XKR9: variants seen among roughly 807,000 people sequenced by gnomAD.
XKR9 encodes the protein XK-related protein 9.
Under a neutral mutation model 32.0 loss-of-function variants are expected in XKR9, and 32 were observed. The observed-to-expected ratio is 1.00, with a 90% CI of 0.76 to 1.34. The LOEUF is 1.34. Ranked by LOEUF, XKR9 falls within the 40% of genes most tolerant of loss-of-function variation. XKR9 has a pLI of 0.00. For missense variants in XKR9, 546 were observed against 429.7 expected, an observed-to-expected ratio of 1.27 and a Z score of -2.39; for synonymous variants, 168 against 143.4, an observed-to-expected ratio of 1.17 and a Z score of -1.22.
the XKR9 span, among the ~76,000 whole-genome samples, chr8:71,011,789 G>A: frequency 6.6e-6 from 1 of 152,150 alleles, no homozygotes; most frequent in Non-Finnish European, 1.5e-5. Context: ...GGGGGAAACT[G>A]TTTGCCAAAA....
At chr8:70,812,055 A>T in the XKR9 span, among the ~76,000 whole-genome samples, 1 of 152,172 alleles carries the variant, frequency 6.6e-6, no homozygotes, top group Non-Finnish European at 1.5e-5. Flanking sequence ...AAATACTGGC[A>T]AACCGAATCC....
chr8:70,824,235 C>T, the XKR9 span, among the ~76,000 whole-genome samples: 3 of 152,058 alleles, frequency 2.0e-5, no homozygotes, highest in Non-Finnish European at 4.4e-5. Context: ...CTCTATTTTA[C>T]CTGTTTTAAA....
the XKR9 span, among the ~76,000 whole-genome samples, chr8:71,029,329 A>T: frequency 6.6e-6 from 1 of 152,318 alleles, no homozygotes; most frequent in South Asian, 2.1e-4. Flanking sequence ...AAGGAAATAA[A>T]TTTTGAGAAA....
At chr8:70,764,749 AC>A (rs1165060012) in intron 2 of XKR9, among the ~76,000 whole-genome samples, 1 of 151,128 alleles carries the variant, frequency 6.6e-6, no homozygotes, top group African/African-American at 2.4e-5. Flanking sequence ...CTTGCCTCCC[AC>A]CCCCTGACAG....
At chr8:70,787,634 C>T (rs561143905) in intron 2 of XKR9, among the ~76,000 whole-genome samples, 19 of 152,160 alleles carry the variant, frequency 1.2e-4, no homozygotes, top group South Asian at 1.0e-3. Flanking sequence ...ATATTTAAAA[C>T]GCTACAGAAG....
chr8:70,895,269 A>G, the XKR9 span, among the ~76,000 whole-genome samples: 1 of 152,020 alleles, frequency 6.6e-6, no homozygotes, highest in Non-Finnish European at 1.5e-5. Context: ...GTCTATCCCT[A>G]GTTTCTGTGC....
the XKR9 span, among the ~76,000 whole-genome samples, chr8:71,058,991 A>T: frequency 1.3e-5 from 2 of 152,370 alleles, no homozygotes; most frequent in South Asian, 2.1e-4. Context: ...ATAAACTAAA[A>T]ATGAAGTTTT....
chr8:70,861,456 G>A, the XKR9 span, among the ~76,000 whole-genome samples: 1 of 151,604 alleles, frequency 6.6e-6, no homozygotes, highest in Non-Finnish European at 1.5e-5. Flanking sequence ...GTTCAGATCA[G>A]CCTAGGCAGC....
chr8:70,946,561 C>T, the XKR9 span, among the ~76,000 whole-genome samples: 1 of 152,152 alleles, frequency 6.6e-6, no homozygotes, highest in African/African-American at 2.4e-5. Flanking sequence ...GGTTGAGTAG[C>T]TTGTCTAAGA....
the XKR9 span, among the ~76,000 whole-genome samples, chr8:70,991,934 C>G: frequency 6.6e-6 from 1 of 152,188 alleles, no homozygotes; most frequent in African/African-American, 2.4e-5. Context: ...CTCCCTACAT[C>G]CATCCCAACC....
the XKR9 span, among the ~76,000 whole-genome samples, chr8:70,969,049 A>G: frequency 6.6e-6 from 1 of 152,200 alleles, no homozygotes; most frequent in East Asian, 1.9e-4. Flanking sequence ...ACAGAGTACA[A>G]TTTCATAATG....
At chr8:70,797,031 C>T in the XKR9 span, among the ~76,000 whole-genome samples, 2 of 152,274 alleles carry the variant, frequency 1.3e-5, no homozygotes, top group African/African-American at 4.8e-5. Context: ...AGCATTAAAC[C>T]TCCATTTATT....
the XKR9 span, among the ~76,000 whole-genome samples, chr8:70,838,085 C>T: frequency 1.3e-5 from 2 of 151,908 alleles, no homozygotes; most frequent in Non-Finnish European, 2.9e-5. Flanking sequence ...TTACCGACTG[C>T]TGAAAAAGAC....
At chr8:70,776,911 TTTTCTCTTTC>T (rs1407614881) in intron 2 of XKR9, among the ~76,000 whole-genome samples, 6 of 96,378 alleles carry the variant, frequency 6.2e-5, no homozygotes, top group Admixed American at 1.1e-4. Context: ...ATTTAGCAGG[TTTTCTCTTTC>T]TTTCTCTCTC....
At chr8:70,846,466 A>G in the XKR9 span, among the ~76,000 whole-genome samples, 1 of 152,126 alleles carries the variant, frequency 6.6e-6, no homozygotes, top group African/African-American at 2.4e-5. Flanking sequence ...AGAGAAAGAA[A>G]GGAACAAAGA....
the XKR9 span, among the ~76,000 whole-genome samples, chr8:70,971,768 TGTA>T: frequency 4.7e-3 from 709 of 152,236 alleles, 8 homozygotes; most frequent in African/African-American, 0.016. Flanking sequence ...ATCAGTTGGG[TGTA>T]AGTATTTTGC....
intron 4 of XKR9, among the ~76,000 whole-genome samples, chr8:70,709,583 C>A (rs1805836719): frequency 6.6e-6 from 1 of 152,178 alleles, no homozygotes; most frequent in East Asian, 1.9e-4. Context: ...GCTCCTAGAA[C>A]TGATAAACAA....
the XKR9 span, among the ~76,000 whole-genome samples, chr8:70,797,493 C>T: frequency 2.0e-5 from 3 of 152,082 alleles, no homozygotes; most frequent in Non-Finnish European, 4.4e-5. Flanking sequence ...CAGATATGAT[C>T]CCAAAGCTAC....
the XKR9 span, among the ~76,000 whole-genome samples, chr8:70,973,584 T>TA: frequency 6.6e-6 from 1 of 152,144 alleles, no homozygotes; most frequent in East Asian, 1.9e-4. Flanking sequence ...CTTTTTAATG[T>TA]AGGCATTTAA....
Sources: allele counts gnomAD v4.1 joint callset (sites outside exome capture counted in the v4.1 genomes callset), GRCh38; gene constraint gnomAD v4.1.1; transcripts MANE v1.5; gene names NCBI Gene and HGNC (gene_info 2026-07-23, HGNC 2026-07-21).